The following RNF112 variants were observed in gnomAD, a reference collection of about 807,000 sequenced individuals.
RNF112 encodes the protein brain finger protein.
A neutral mutation model predicts 64.7 loss-of-function variants in RNF112; 34 were observed. The observed-to-expected ratio is 0.53, with a 90% CI of 0.40 to 0.70. RNF112 has a LOEUF of 0.70. RNF112 is among the 30% of genes least tolerant of loss of function. The probability of loss-of-function intolerance (pLI) is 0.00; values close to 1 mark genes in which losing one functional copy is unlikely to be tolerated. For missense variants in RNF112, 734 were observed against 850.0 expected (o/e 0.86, Z 1.70); for synonymous variants, 345 against 344.5 (o/e 1.00, Z -0.02).
rs777217796 is a variant in RNF112, at chr17:19,413,016, G to T, written c.460G>T (p.Ala154Ser). 10 of 1,611,628 alleles carry T rather than the reference G, an allele frequency of 6.2e-6. No individual in the cohort carries two copies. Among genetic ancestry groups the T allele is most frequent in the Non-Finnish European group, 8.5e-6 (10 of 1,179,166 alleles). ...ASGGLILRMG[A>S]INRCLKHPLA... ...TGGGGGCCTCATCCTTAGGATGGGG[G>T]CCATCAACCGCTGCCTGAAGCACCC... The change falls in exon 4 of 14, where the codon GCC becomes TCC. Residue 154 changes from alanine (A) to serine (S), a missense_variant. Ala to Ser is a moderately conservative substitution (Grantham distance 99). Transcript: ENST00000461366. This position sits in a 1 kb window ranked among gnomAD's most constrained non-coding sequence, Gnocchi z 5.9.
In RNF112 at chr17:19,412,537, GCCCCA is replaced by G; in HGVS notation, c.136_140del (p.Pro46AlafsTer43). ...TCCCCAAGTTGGAGCTAGGCCTGGG[GCCCCA>G]GCCCATGGCGCCCCGGGAGCTCCCT... On this transcript the variant is annotated frameshift_variant, in exon 3 of 14. Coordinates refer to ENST00000461366, the MANE Select transcript of RNF112 (RefSeq NM_007148.5). LOFTEE classifies it high-confidence loss of function. This position sits in a 1 kb window ranked among gnomAD's most constrained non-coding sequence, Gnocchi z 5.1. The G allele has an allele frequency of 6.2e-7, 1 of 1,613,370 alleles. No homozygotes were observed. Among genetic ancestry groups the G allele is most frequent in the Non-Finnish European group, 8.5e-7 (1 of 1,179,732 alleles).
In RNF112 at chr17:19,412,675, G is replaced by C. The variant is rs149061657; in HGVS notation, c.273G>C (p.Pro91=). The change falls in exon 3 of 14, where the codon CCG becomes CCC. Residue 91 remains proline, a synonymous_variant. Transcript: ENST00000461366. This position sits in a 1 kb window ranked among gnomAD's most constrained non-coding sequence, Gnocchi z 5.1. ...FSTHRLPGCE[P]PCCPECRKIC... is the part of the protein sequence containing the mutation. Reference sequence around the variant, plus strand: ...CACACCGTCTCCCGGGCTGTGAGCCGCCCTGCTGTCCTGAGTGCCGGAAGA... The same window carrying C: ...CACACCGTCTCCCGGGCTGTGAGCCCCCCTGCTGTCCTGAGTGCCGGAAGA... 1.2e-6 allele frequency: 2 copies of C among 1,613,340 alleles called. No individual in the cohort carries two copies. Among genetic ancestry groups the C allele is most frequent in the East Asian group, 4.5e-5 (2 of 44,822 alleles).
At position 19,415,104 on chromosome 17, in the gene RNF112, A is replaced by C; in HGVS notation, c.1193A>C (p.Gln398Pro). The change falls in exon 11 of 14, where the codon CAG becomes CCG. Residue 398 changes from glutamine (Q) to proline (P), a missense_variant. Transcript: ENST00000461366. The surrounding 1 kb of genome is among the most constrained non-coding windows in gnomAD (Gnocchi z 7.8). ...YVSDVLSAAP[Q>P]HAKSRCQGYW... ...TCAGATGTGCTGAGTGCGGCCCCCC[A>C]GCACGCTAAGAGCCGCTGCCAGGGG... 1 of 1,606,670 alleles carries C rather than the reference A, an allele frequency of 6.2e-7. No homozygotes were observed. The highest frequency in any genetic ancestry group is 8.5e-7 in the Non-Finnish European group (1 of 1,178,018).
Position 19,413,014 on chromosome 17 carries a change from G to C in RNF112, c.458G>C (p.Gly153Ala), listed in dbSNP as rs1239607079. 6.2e-7 allele frequency: 1 copy of C among 1,611,526 alleles called. No individual in the cohort carries two copies. Among genetic ancestry groups the C allele is most frequent in the African/African-American group, 1.3e-5 (1 of 74,874 alleles). The change falls in exon 4 of 14, where the codon GGG (glycine) becomes GCG (alanine). Residue 153 changes from glycine to alanine, a missense_variant. Physicochemically the swap from Gly to Ala is moderately conservative, Grantham distance 60. Coordinates refer to ENST00000461366, the MANE Select transcript of RNF112 (RefSeq NM_007148.5). The surrounding 1 kb of genome is among the most constrained non-coding windows in gnomAD (Gnocchi z 5.9). Reference protein sequence around the residue: ...NASGGLILRMGAINRCLKHPL... With the variant: ...NASGGLILRMAAINRCLKHPL... ...TCTGGGGGCCTCATCCTTAGGATGGGGGCCATCAACCGCTGCCTGAAGCAC... is the reference window on the plus strand; with the variant it reads ...TCTGGGGGCCTCATCCTTAGGATGGCGGCCATCAACCGCTGCCTGAAGCAC...
Position 19,413,467 on chromosome 17 carries a change from C to T in RNF112, c.720+56C>T, listed in dbSNP as rs530348717. ...GGATGGGAAGGGGAATCAAGAAGGG[C>T]GTCTCTGGGGTGAGGATAGAAGATG... On this transcript the variant is annotated intron_variant, in intron 5 of 13. Transcript: ENST00000461366. The surrounding 1 kb of genome is among the most constrained non-coding windows in gnomAD (Gnocchi z 5.9). The T allele has an allele frequency of 8.1e-5, 127 of 1,568,424 alleles. 1 individual carries two copies. In the South Asian group the frequency reaches 8.8e-4, roughly 11 times the overall value.
chr17:19,411,277 C>T lies in RNF112; in HGVS notation c.-132C>T. On this transcript the variant is annotated 5_prime_UTR_variant, in exon 1 of 14. Coordinates refer to ENST00000461366, the MANE Select transcript of RNF112 (RefSeq NM_007148.5). ...ACCGGGAGTCAGCTCCTCGGGGATA[C>T]CATCCCCCGACCTCACCTTCTACCT... 1.3e-6 allele frequency: 1 copy of T among 746,514 alleles called. No individual in the cohort carries two copies. Among genetic ancestry groups the T allele is most frequent in the South Asian group, 1.8e-5 (1 of 56,980 alleles). The allele number at this position is 746,514 out of a possible 1,614,324, so 46.2% of individuals were successfully genotyped here.
At position 19,415,109 on chromosome 17, in the gene RNF112, G is replaced by A. The variant is rs754863920; in HGVS notation, c.1198G>A (p.Ala400Thr). 11 of 1,607,030 alleles carry A rather than the reference G, an allele frequency of 6.8e-6. No homozygotes were observed. Among genetic ancestry groups the A allele is most frequent in the Non-Finnish European group, 7.6e-6 (9 of 1,178,250 alleles). Residue 400 changes from alanine (A) to threonine (T), a missense_variant, in exon 11 of 14, where the codon GCT becomes ACT. Coordinates refer to ENST00000461366, the MANE Select transcript of RNF112 (RefSeq NM_007148.5). This position sits in a 1 kb window ranked among gnomAD's most constrained non-coding sequence, Gnocchi z 7.8. ...TGTGCTGAGTGCGGCCCCCCAGCACGCTAAGAGCCGCTGCCAGGGGTACTG... is the reference window on the plus strand; with the variant it reads ...TGTGCTGAGTGCGGCCCCCCAGCACACTAAGAGCCGCTGCCAGGGGTACTG... ...SDVLSAAPQH[A>T]KSRCQGYWNE...
Position 19,413,465 on chromosome 17 carries a change from G to C in RNF112, c.720+54G>C. 6.3e-7 allele frequency: 1 copy of C among 1,580,038 alleles called. No homozygotes were observed. The highest frequency in any genetic ancestry group is 2.3e-5 in the East Asian group (1 of 44,372). On this transcript the variant is annotated intron_variant, in intron 5 of 13. Transcript: ENST00000461366. This position sits in a 1 kb window ranked among gnomAD's most constrained non-coding sequence, Gnocchi z 5.9. ...AGGGATGGGAAGGGGAATCAAGAAGGGCGTCTCTGGGGTGAGGATAGAAGA... is the reference window on the plus strand; with the variant it reads ...AGGGATGGGAAGGGGAATCAAGAAGCGCGTCTCTGGGGTGAGGATAGAAGA...
Position 19,414,777 on chromosome 17 carries a change from C to T in RNF112, c.1016C>T (p.Ser339Phe). 2 of 1,613,492 alleles carry T rather than the reference C, an allele frequency of 1.2e-6. No individual in the cohort carries two copies. Among genetic ancestry groups the T allele is most frequent in the Non-Finnish European group, 1.7e-6 (2 of 1,179,798 alleles). ...GHVGNIFQRLSGRYPKVQELL... is the reference protein window; with the variant it reads ...GHVGNIFQRLFGRYPKVQELL... ...CCTCTCGCTGCCTCACAGAGATTGT[C>T]TGGCAGATACCCCAAGGTGCAGGAG... Residue 339 changes from serine to phenylalanine, a missense_variant, in exon 10 of 14, where the codon TCT (serine) becomes TTT (phenylalanine). By Grantham distance (155) the Ser-to-Phe change is radical. Coordinates refer to ENST00000461366, the MANE Select transcript of RNF112 (RefSeq NM_007148.5).
rs367767592 is a variant in RNF112 at position 19,413,694 on chromosome 17, G to A, written c.825+13G>A. 17 of 1,569,026 alleles carry A rather than the reference G, an allele frequency of 1.1e-5. No individual in the cohort carries two copies. The African/African-American group carries it at 1.5e-4, about 14-fold the overall frequency. The stretch of plus-strand genomic sequence containing the variant: ...GAGCTCCTACCAGGTGATGGGGGGC[G>A]CTGATGTTGGCATCCCCACCCCACA... On this transcript the variant is annotated intron_variant, in intron 6 of 13. Transcript: ENST00000461366. This position sits in a 1 kb window ranked among gnomAD's most constrained non-coding sequence, Gnocchi z 5.9.
At position 19,411,553 on chromosome 17, in the gene RNF112, G is replaced by A. The variant is rs536781551; in HGVS notation, c.55-77G>A. On this transcript the variant is annotated intron_variant, in intron 1 of 13. Transcript: ENST00000461366. ...ATGGGCCGGGGGTGGGGAGGATGAG[G>A]GGTCCCTGGAAATCCAGGGTGAAGA... The A allele has an allele frequency of 7.8e-6, 12 of 1,538,134 alleles. No homozygotes were observed. The African/African-American group carries it at 1.1e-4, about 14-fold the overall frequency.
chr17:19,414,938 C>G, intron 10 of RNF112, 51 bp downstream of exon 10: 2 of 1,596,602 alleles, frequency 1.3e-6, no homozygotes, highest in East Asian at 4.5e-5. Context: ...CAGCTCCCCT[C>G]CGGCAACCGA....
In RNF112 at chr17:19,411,339, C is replaced by A; in HGVS notation, c.-70C>A. The A allele has an allele frequency of 6.7e-7, 1 of 1,493,398 alleles. No homozygotes were observed. The highest frequency in any genetic ancestry group is 9.1e-7 in the Non-Finnish European group (1 of 1,093,760). 92.5% of individuals were successfully genotyped at this position (1,493,398 alleles called of 1,614,324 possible). On this transcript the variant is annotated 5_prime_UTR_variant, in exon 1 of 14. Coordinates refer to ENST00000461366, the MANE Select transcript of RNF112 (RefSeq NM_007148.5). Reference sequence around the variant, plus strand: ...CTAGCCTTTCCGGGAGAAAAGGCATCCTTACCTCTGGTTGAAGGTCTCGGG... The same window carrying A: ...CTAGCCTTTCCGGGAGAAAAGGCATACTTACCTCTGGTTGAAGGTCTCGGG...
Position 19,416,503 on chromosome 17 carries a change from G to A in RNF112, c.*328G>A, listed in dbSNP as rs559978133. Reference sequence around the variant, plus strand: ...CCCTCCCCACCTGGCTCATTTCCCCGATGACCCTGGATTGTAGGAAAGTTA... The same window carrying A: ...CCCTCCCCACCTGGCTCATTTCCCCAATGACCCTGGATTGTAGGAAAGTTA... On this transcript the variant is annotated 3_prime_UTR_variant, in exon 14 of 14. Transcript: ENST00000461366. 8.6e-5 allele frequency: 23 copies of A among 268,552 alleles called. No homozygotes were observed. In the South Asian group the frequency reaches 9.3e-4, roughly 11 times the overall value. The allele number at this position is 268,552 out of a possible 1,614,324, so 16.6% of individuals were successfully genotyped here.
In RNF112 at chr17:19,413,715, C is replaced by A; in HGVS notation, c.825+34C>A. The A allele has an allele frequency of 1.4e-6, 2 of 1,462,824 alleles. No homozygotes were observed. Among genetic ancestry groups the A allele is most frequent in the Non-Finnish European group, 9.4e-7 (1 of 1,066,480 alleles). The allele number at this position is 1,462,824 out of a possible 1,614,324, so 90.6% of individuals were successfully genotyped here. A position where few individuals can be genotyped will look rare whatever the true frequency, so the allele number is the denominator to read the frequency against. ...GGGCGCTGATGTTGGCATCCCCACCCCACACACCCTTCTCCAGCTCAGCTT... is the reference window on the plus strand; with the variant it reads ...GGGCGCTGATGTTGGCATCCCCACCACACACACCCTTCTCCAGCTCAGCTT... On this transcript the variant is annotated intron_variant, in intron 6 of 13. Coordinates refer to ENST00000461366, the MANE Select transcript of RNF112 (RefSeq NM_007148.5). This position sits in a 1 kb window ranked among gnomAD's most constrained non-coding sequence, Gnocchi z 5.9.
chr17:19,414,896 C>G lies in RNF112; in HGVS notation c.1126+9C>G, dbSNP rs376658487. 2.6e-5 allele frequency: 42 copies of G among 1,612,398 alleles called. No individual in the cohort carries two copies. Among genetic ancestry groups the G allele is most frequent in the Admixed American group, 6.7e-5 (4 of 60,004 alleles). ...CCATGCAAGCCCTGGTGGTGAGTGT[C>G]TCTGAGAGCTGAACCTCTCTTGCGC... is the stretch of plus-strand genomic sequence containing the variant. On this transcript the variant is annotated intron_variant, in intron 10 of 13. Transcript: ENST00000461366.
chr17:19,412,550 G>GCGC lies in RNF112; in HGVS notation c.150_152dup (p.Pro51dup). On this transcript the variant is annotated inframe_insertion, in exon 3 of 14. Transcript: ENST00000461366. The surrounding 1 kb of genome is among the most constrained non-coding windows in gnomAD (Gnocchi z 5.1). ...GCTAGGCCTGGGGCCCCAGCCCATG[G>GCGC]CGCCCCGGGAGCTCCCTACCTGCTC... The GCGC allele has an allele frequency of 6.2e-7, 1 of 1,613,364 alleles. No individual in the cohort carries two copies. Among genetic ancestry groups the GCGC allele is most frequent in the Non-Finnish European group, 8.5e-7 (1 of 1,179,734 alleles).
rs1403177301 is a variant in RNF112 at position 19,413,205 on chromosome 17, G to T, written c.588+61G>T. The T allele has an allele frequency of 6.3e-7, 1 of 1,596,902 alleles. No homozygotes were observed. Among genetic ancestry groups the T allele is most frequent in the South Asian group, 1.1e-5 (1 of 89,076 alleles). The stretch of plus-strand genomic sequence containing the variant: ...CAAGGATGGGGGTTCCTGCCTGGGG[G>T]AAGCTGGGTCTGGTATTCCGGTCTG... On this transcript the variant is annotated intron_variant, in intron 4 of 13. Coordinates refer to ENST00000461366, the MANE Select transcript of RNF112 (RefSeq NM_007148.5). This position sits in a 1 kb window ranked among gnomAD's most constrained non-coding sequence, Gnocchi z 5.9.
At chr17:19,411,749 CAG>C in intron 2 of RNF112, 79 bp downstream of exon 2, 1 of 1,427,820 alleles carries the variant, frequency 7.0e-7, no homozygotes, top group Non-Finnish European at 9.6e-7. Context: ...TCCTGGAACA[CAG>C]AGCCCGGCAG....
Sources: allele counts gnomAD v4.1 joint callset, GRCh38; gene constraint gnomAD v4.1.1; non-coding constraint Gnocchi (gnomAD v3.1); transcripts MANE v1.5; gene names NCBI Gene and HGNC (gene_info 2026-07-23, HGNC 2026-07-21).